The following PTPN4 variants were observed in gnomAD, a reference collection of about 807,000 sequenced individuals.
PTPN4 encodes the protein tyrosine-protein phosphatase non-receptor type 4.
In PTPN4, 49 loss-of-function variants were observed where a neutral mutation model predicts 135.5. That is an observed-to-expected ratio of 0.36 (90% CI 0.29 to 0.46). The LOEUF (loss-of-function observed/expected upper bound fraction) is 0.46, where lower values mean the gene tolerates loss of function less well. Ranked by LOEUF, PTPN4 falls within the 20% of genes least tolerant of loss-of-function variation. PTPN4 has a pLI of 1.00. For synonymous variants in PTPN4, 333 were observed against 369.9 expected, an observed-to-expected ratio of 0.90 and a Z score of 1.14; for missense variants, 860 against 1,101.0, an observed-to-expected ratio of 0.78 and a Z score of 3.10.
At chr2:119,937,402 TA>T (rs1464016497) in intron 15 of PTPN4, among the ~76,000 whole-genome samples, 1 of 152,202 alleles carries the variant, frequency 6.6e-6, no homozygotes, top group Non-Finnish European at 1.5e-5. Flanking sequence ...TTTAAGTGAG[TA>T]CAGGAGGTTG....
chr2:119,975,496 G>C (rs931876395), intron 26 of PTPN4, among the ~76,000 whole-genome samples: 1 of 152,192 alleles, frequency 6.6e-6, no homozygotes, highest in Non-Finnish European at 1.5e-5. Context: ...GGCCATTGCA[G>C]GTGGGGATCA....
At chr2:119,829,784 A>T (rs748436737) in intron 2 of PTPN4, among the ~76,000 whole-genome samples, 1 of 152,200 alleles carries the variant, frequency 6.6e-6, no homozygotes, top group Admixed American at 6.5e-5. Flanking sequence ...ACATTGGCAT[A>T]CAAGTATCTG....
chr2:119,973,655 GTTTTTTTTT>G (rs70949378), intron 26 of PTPN4, among the ~76,000 whole-genome samples: 12 of 38,392 alleles, frequency 3.1e-4, no homozygotes, highest in African/African-American at 1.4e-3. Context: ...TTCATTTCTT[GTTTTTTTTT>G]TTTTTTTTTT....
chr2:119,873,179 T>TTG (rs1553457351), intron 3 of PTPN4, among the ~76,000 whole-genome samples: 4 of 151,278 alleles, frequency 2.6e-5, no homozygotes, highest in Admixed American at 6.6e-5. Flanking sequence ...GTTTTTTTTT[T>TTG]TTGTTGTTGT....
chr2:119,777,189 G>T (rs553664748), intron 1 of PTPN4, among the ~76,000 whole-genome samples: 1 of 152,210 alleles, frequency 6.6e-6, no homozygotes, highest in South Asian at 2.1e-4. Context: ...TCCTACTTCA[G>T]GTCTTCATGT....
chr2:119,880,414 C>T (rs1558753210), intron 5 of PTPN4, among the ~76,000 whole-genome samples: 1 of 151,590 alleles, frequency 6.6e-6, no homozygotes, highest in Non-Finnish European at 1.5e-5. Flanking sequence ...TACCAGGAAC[C>T]TTTAACTTTG....
rs1418596510 is a variant in PTPN4, at chr2:119,833,386, A to G, written c.138+23395A>G. The stretch of plus-strand genomic sequence containing the variant: ...TCTTGGTGTATCTGCATGCCAATCC[A>G]TATTGTCTTAATTATTTTAGCTTAA... On this transcript the variant is annotated intron_variant, in intron 2 of 26. Coordinates refer to ENST00000263708, the MANE Select transcript of PTPN4 (RefSeq NM_002830.4). Among the ~76,000 whole-genome samples the G allele has an allele frequency of 2.6e-5, 4 of 151,964 alleles. No individual in the cohort carries two copies. In the South Asian group the frequency reaches 8.3e-4, roughly 32 times the overall value.
intron 5 of PTPN4, among the ~76,000 whole-genome samples, chr2:119,879,822 G>A (rs1242424347): frequency 6.6e-6 from 1 of 152,088 alleles, no homozygotes; most frequent in Non-Finnish European, 1.5e-5. Context: ...AATGTAAATA[G>A]TATATTCCCA....
chr2:119,962,183 A>G lies in PTPN4; in HGVS notation c.2281-433A>G, dbSNP rs559242996. On this transcript the variant is annotated intron_variant, in intron 23 of 26. Coordinates refer to ENST00000263708, the MANE Select transcript of PTPN4 (RefSeq NM_002830.4). ...CAAAGAAAAAATGTCGGCTGGGCGC[A>G]GTGGCTCACACCTGTAATCCCAGCA... 8.5e-5 allele frequency among the ~76,000 whole-genome samples: 13 copies of G among 152,302 alleles called. No individual in the cohort carries two copies. In the South Asian group the frequency reaches 1.5e-3, roughly 17 times the overall value.
At chr2:119,945,346 A>G in intron 16 of PTPN4, 106 bp downstream of exon 16, 1 of 977,914 alleles carries the variant, frequency 1.0e-6, no homozygotes, top group East Asian at 2.8e-5. Context: ...GTATTACAGT[A>G]CCTTCTCTTT....
intron 2 of PTPN4, among the ~76,000 whole-genome samples, chr2:119,848,187 T>C (rs1677533455): frequency 6.6e-6 from 1 of 151,572 alleles, no homozygotes; most frequent in Non-Finnish European, 1.5e-5. Context: ...TTCTTTTTTT[T>C]TTTTGAGATG....
intron 1 of PTPN4, among the ~76,000 whole-genome samples, chr2:119,799,009 C>T (rs1691314397): frequency 6.6e-6 from 1 of 152,200 alleles, no homozygotes; most frequent in South Asian, 2.1e-4. Flanking sequence ...CTCGGCTTCT[C>T]TCTGATCCAG....
chr2:119,859,486 A>G (rs1677728658), intron 2 of PTPN4, among the ~76,000 whole-genome samples: 1 of 152,166 alleles, frequency 6.6e-6, no homozygotes, highest in Admixed American at 6.5e-5. Flanking sequence ...CCAGGATTAC[A>G]TTTCAAGATT....
intron 10 of PTPN4, among the ~76,000 whole-genome samples, chr2:119,907,714 T>G (rs1193553851): frequency 3.3e-5 from 5 of 152,138 alleles, no homozygotes; most frequent in Admixed American, 6.5e-5. Context: ...CCTGTGAAGC[T>G]ACAGTATTCA....
intron 3 of PTPN4, among the ~76,000 whole-genome samples, chr2:119,874,936 C>T (rs1159647729): frequency 1.3e-5 from 2 of 152,080 alleles, no homozygotes; most frequent in Admixed American, 6.6e-5. Flanking sequence ...TGTCATCAAA[C>T]GTTTTAGTCT....
At chr2:119,847,214 T>G (rs1677513250) in intron 2 of PTPN4, among the ~76,000 whole-genome samples, 1 of 146,442 alleles carries the variant, frequency 6.8e-6, no homozygotes, top group African/African-American at 2.5e-5. Context: ...TATACACACA[T>G]ATGGTTTTAT....
At position 119,825,839 on chromosome 2, in the gene PTPN4, A is replaced by T. The variant is rs117010624; in HGVS notation, c.138+15848A>T. On this transcript the variant is annotated intron_variant, in intron 2 of 26. Coordinates refer to ENST00000263708, the MANE Select transcript of PTPN4 (RefSeq NM_002830.4). Reference sequence around the variant, plus strand: ...CTTCAAACTGGTGTTTTTATTTCCCACAACATCTGCTATCAATTGGATGGT... The same window carrying T: ...CTTCAAACTGGTGTTTTTATTTCCCTCAACATCTGCTATCAATTGGATGGT... Among the ~76,000 whole-genome samples the T allele has an allele frequency of 3.4e-4, 51 of 152,238 alleles. No individual in the cohort carries two copies. The East Asian group carries it at 9.8e-3, about 29-fold the overall frequency.
At chr2:119,874,309 A>G (rs1187308738) in intron 3 of PTPN4, among the ~76,000 whole-genome samples, 3 of 152,192 alleles carry the variant, frequency 2.0e-5, no homozygotes, top group Admixed American at 6.5e-5. Context: ...CTGTGACCCA[A>G]CAATACTACT....
At chr2:119,793,846 G>GTTTTTTTTTTTTTTTTTT (rs55956611) in intron 1 of PTPN4, among the ~76,000 whole-genome samples, 17 of 24,800 alleles carry the variant, frequency 6.9e-4, no homozygotes, top group East Asian at 1.7e-3. Flanking sequence ...TTCATTTTTA[G>GTTTTTTTTTTTTTTTTTT]TTTTTTTTTT....
Sources: gnomAD v4.1 joint callset for allele counts (sites outside exome capture counted in the v4.1 genomes callset) on GRCh38, gnomAD v4.1.1 for gene constraint, MANE v1.5 for transcripts, NCBI Gene and HGNC (gene_info 2026-07-23, HGNC 2026-07-21) for gene names.